The following PEX16 variants were observed in gnomAD, a reference collection of about 807,000 sequenced individuals.
PEX16 encodes peroxin 16.
PEX16 carries 37 observed loss-of-function variants against 50.5 expected under a neutral mutation model. The observed-to-expected ratio is 0.73, with a 90% CI of 0.56 to 0.96. The LOEUF is 0.96. Ranked by LOEUF, PEX16 falls within the 40% of genes least tolerant of loss-of-function variation. The probability of loss-of-function intolerance (pLI) is 0.00; values close to 1 mark genes in which losing one functional copy is unlikely to be tolerated. For missense variants in PEX16, 401 were observed against 438.3 expected (o/e 0.91, Z 0.76); for synonymous variants, 185 against 190.3 (o/e 0.97, Z 0.23).
rs1458584988 is a variant in PEX16, at chr11:45,914,156, A to G, written c.742T>C (p.Leu248=). 1.1e-5 allele frequency: 17 copies of G among 1,608,254 alleles called. No homozygotes were observed. Among genetic ancestry groups the G allele is most frequent in the Non-Finnish European group, 1.4e-5 (17 of 1,177,326 alleles). ...CTGGTCACGTCCACAACACCAGCCA[A>G]GAGCCAGGGTTTCCACGACCTCTGA... ...WGQRSWKPWL[L]AGVVDVTSLS... is the part of the protein sequence containing the mutation. Residue 248 remains leucine, a synonymous_variant, in exon 8 of 11, where the codon TTG becomes CTG. Coordinates refer to ENST00000378750, the MANE Select transcript of PEX16 (RefSeq NM_004813.4).
intron 9 of PEX16, among the ~76,000 whole-genome samples, chr11:45,911,571 G>A (rs2086778656): frequency 6.6e-6 from 1 of 152,246 alleles, no homozygotes; most frequent in Non-Finnish European, 1.5e-5. Context: ...ACGCACTGCT[G>A]TACGCGTTAG....
chr11:45,917,829 C>G lies in PEX16; in HGVS notation c.-18G>C. On this transcript the variant is annotated 5_prime_UTR_variant, in exon 1 of 11. Coordinates refer to ENST00000378750, the MANE Select transcript of PEX16 (RefSeq NM_004813.4). ...TTCTCCATCCTGCCCTCGGCACCGACAGACCCACAGAAGGACCGTACGACA... is the reference window on the plus strand; with the variant it reads ...TTCTCCATCCTGCCCTCGGCACCGAGAGACCCACAGAAGGACCGTACGACA... The G allele has an allele frequency of 6.6e-7, 1 of 1,504,072 alleles. No individual in the cohort carries two copies. Among genetic ancestry groups the G allele is most frequent in the Middle Eastern group, 1.9e-4 (1 of 5,388 alleles). The allele number at this position is 1,504,072 out of a possible 1,614,324, so 93.2% of individuals were successfully genotyped here. A position where few individuals can be genotyped will look rare whatever the true frequency, so the allele number is the denominator to read the frequency against.
rs1309622441 is a variant in PEX16, at chr11:45,917,876, G to C, written c.-65C>G. On this transcript the variant is annotated 5_prime_UTR_variant, in exon 1 of 11. Transcript: ENST00000378750. ...GACAGGCTGCGGCGCCCTGCTTCCT[G>C]CGCCCTCCTTCCTGCTTCCGGTCTT... is the stretch of plus-strand genomic sequence containing the variant. The C allele has an allele frequency of 3.4e-5, 40 of 1,181,278 alleles. No individual in the cohort carries two copies. The highest frequency in any genetic ancestry group is 7.3e-6 in the Non-Finnish European group (6 of 824,286). The allele number at this position is 1,181,278 out of a possible 1,614,324, so 73.2% of individuals were successfully genotyped here.
chr11:45,914,351 G>A lies in PEX16; in HGVS notation c.659C>T (p.Ala220Val), dbSNP rs2134692997. The change falls in exon 7 of 11, where the codon GCA (alanine) becomes GTA (valine). Residue 220 changes from alanine to valine, a missense_variant. Coordinates refer to ENST00000378750, the MANE Select transcript of PEX16 (RefSeq NM_004813.4). Reference sequence around the variant, plus strand: ...CGGCCGGGCAATGTACAAAAACTCTGCGATGGTCTCCTGCAGCCCCAGGGG... The same window carrying A: ...CGGCCGGGCAATGTACAAAAACTCTACGATGGTCTCCTGCAGCCCCAGGGG... ...PTPLGLQETI[A>V]EFLYIARPLL... The A allele has an allele frequency of 6.2e-7, 1 of 1,612,160 alleles. No individual in the cohort carries two copies. Among genetic ancestry groups the A allele is most frequent in the Non-Finnish European group, 8.5e-7 (1 of 1,180,032 alleles).
rs532552051 is a variant in PEX16, at chr11:45,917,174, T to C, written c.148+284A>G. On this transcript the variant is annotated intron_variant, in intron 2 of 10. Coordinates refer to ENST00000378750, the MANE Select transcript of PEX16 (RefSeq NM_004813.4). ...GGACAGTGATGACAATAAGTACCACTTAATATGACTGTAGGGAGGATTAAC... is the reference window on the plus strand; with the variant it reads ...GGACAGTGATGACAATAAGTACCACCTAATATGACTGTAGGGAGGATTAAC... The C allele has an allele frequency of 2.1e-4, 147 of 689,080 alleles. No homozygotes were observed. In the African/African-American group the frequency reaches 2.2e-3, roughly 10 times the overall value. 42.7% of individuals were successfully genotyped at this position (689,080 alleles called of 1,614,324 possible). A position where few individuals can be genotyped will look rare whatever the true frequency, so the allele number is the denominator to read the frequency against.
At position 45,909,674 on chromosome 11, in the gene PEX16, G is replaced by C. The variant is rs962472654; in HGVS notation, c.*580C>G. 3 of 238,184 alleles carry C rather than the reference G, an allele frequency of 1.3e-5. No individual in the cohort carries two copies. In the East Asian group the frequency reaches 3.0e-4, roughly 24 times the overall value. The allele number at this position is 238,184 out of a possible 1,614,324, so 14.8% of individuals were successfully genotyped here. A position where few individuals can be genotyped will look rare whatever the true frequency, so the allele number is the denominator to read the frequency against. On this transcript the variant is annotated 3_prime_UTR_variant, in exon 11 of 11. Transcript: ENST00000378750. ...AGTGCCCGATGTCCTTTTTCTAAGG[G>C]AGAAAAGCCTTTTACTCTCAACCGA...
chr11:45,917,051 A>C (rs1297226980), intron 2 of PEX16: 3 of 505,840 alleles, frequency 5.9e-6, no homozygotes, highest in South Asian at 3.1e-5. Context: ...AGGTAGTTAC[A>C]ATCTGGGAAT....
rs1335906330 is a variant in PEX16, at chr11:45,917,824, A to G, written c.-13T>C. 1.3e-6 allele frequency: 2 copies of G among 1,516,162 alleles called. No homozygotes were observed. Among genetic ancestry groups the G allele is most frequent in the Non-Finnish European group, 1.8e-6 (2 of 1,126,232 alleles). The allele number at this position is 1,516,162 out of a possible 1,614,324, so 93.9% of individuals were successfully genotyped here. On this transcript the variant is annotated 5_prime_UTR_variant, in exon 1 of 11. Coordinates refer to ENST00000378750, the MANE Select transcript of PEX16 (RefSeq NM_004813.4). ...GCAGCTTCTCCATCCTGCCCTCGGC[A>G]CCGACAGACCCACAGAAGGACCGTA...
rs749581838 is a variant in PEX16 at position 45,910,119 on chromosome 11, C to T, written c.*135G>A. On this transcript the variant is annotated 3_prime_UTR_variant, in exon 11 of 11. Transcript: ENST00000378750. ...GGTGTCCTGGGAGGAACGCTGGTGGCGACCAGGGCTGTGTGTGGGGCCTGG... is the reference window on the plus strand; with the variant it reads ...GGTGTCCTGGGAGGAACGCTGGTGGTGACCAGGGCTGTGTGTGGGGCCTGG... The T allele has an allele frequency of 2.5e-5, 41 of 1,611,488 alleles. No homozygotes were observed. Among genetic ancestry groups the T allele is most frequent in the Middle Eastern group, 4.5e-4 (2 of 4,466 alleles).
chr11:45,910,624 G>A (rs894260822), intron 10 of PEX16, among the ~76,000 whole-genome samples: 1 of 152,184 alleles, frequency 6.6e-6, no homozygotes, highest in Non-Finnish European at 1.5e-5. Context: ...CCCCCAAGAT[G>A]AGATGGTCCC....
chr11:45,910,402 G>A, intron 10 of PEX16, 90 bp from the exon 11 acceptor site: 3 of 1,089,270 alleles, frequency 2.8e-6, no homozygotes, highest in South Asian at 1.3e-5. Flanking sequence ...CGGCCCAGGA[G>A]CCAGCCCAGC....
intron 2 of PEX16, chr11:45,917,138 C>T (rs1590797697): frequency 1.5e-6 from 1 of 645,914 alleles, no homozygotes; most frequent in Non-Finnish European, 2.9e-6. Flanking sequence ...CACTGAGCTT[C>T]TTCCTTAAAT....
intron 4 of PEX16, 57 bp from the exon 5 acceptor site, chr11:45,915,625 G>C: frequency 6.2e-7 from 1 of 1,611,786 alleles, no homozygotes; most frequent in Non-Finnish European, 8.5e-7. Flanking sequence ...GGGAGGCCAG[G>C]GATGCTCTGC....
intron 9 of PEX16, 121 bp from the exon 10 acceptor site, chr11:45,911,083 G>T: frequency 1.3e-6 from 1 of 751,202 alleles, no homozygotes; most frequent in Non-Finnish European, 2.3e-6. Context: ...AGAAAACAAA[G>T]GTGACTTTCT....
At position 45,917,702 on chromosome 11, in the gene PEX16, G is replaced by A; in HGVS notation, c.110C>T (p.Ala37Val). ...TAVRGFSYLLAGRFADSHELS... is the reference protein window; with the variant it reads ...TAVRGFSYLLVGRFADSHELS... ...CTGATCAAAGGTCAGGGTGGCACCT[G>A]CCAGCAGGTAACTGAAGCCCCGCAC... The change falls in exon 1 of 11, where the codon GCA becomes GTA. Residue 37 changes from alanine to valine, a missense_variant and splice_region_variant. Coordinates refer to ENST00000378750, the MANE Select transcript of PEX16 (RefSeq NM_004813.4). 1 of 1,556,050 alleles carries A rather than the reference G, an allele frequency of 6.4e-7. No individual in the cohort carries two copies. Among genetic ancestry groups the A allele is most frequent in the Non-Finnish European group, 8.7e-7 (1 of 1,149,360 alleles).
rs777404753 is a variant in PEX16, at chr11:45,914,579, C to T, written c.541+25G>A. On this transcript the variant is annotated intron_variant, in intron 6 of 10. Coordinates refer to ENST00000378750, the MANE Select transcript of PEX16 (RefSeq NM_004813.4). ...CCCAGGCAGACAGCACCTAGGTGCC[C>T]AGGCCAGCCACATCCTCCACTTACT... 8.1e-6 allele frequency: 13 copies of T among 1,613,636 alleles called. No individual in the cohort carries two copies. The South Asian group carries it at 1.4e-4, about 18-fold the overall frequency.
intron 10 of PEX16, among the ~76,000 whole-genome samples, 186 bp from the exon 11 acceptor site, chr11:45,910,498 G>A (rs1285663385): frequency 6.6e-6 from 1 of 152,210 alleles, no homozygotes; most frequent in Non-Finnish European, 1.5e-5. Context: ...GAGAAGCTCA[G>A]CCAGGGTAGA....
chr11:45,909,986 G>T lies in PEX16; in HGVS notation c.*268C>A. 1.8e-6 allele frequency: 2 copies of T among 1,092,844 alleles called. No homozygotes were observed. The highest frequency in any genetic ancestry group is 2.8e-6 in the Non-Finnish European group (2 of 720,208). 67.7% of individuals were successfully genotyped at this position (1,092,844 alleles called of 1,614,324 possible). ...CCGGGCTCCATGAGGTGAAGTCACC[G>T]CTTTCTGTGGGAGAGGAGCCTGGAT... is the stretch of plus-strand genomic sequence containing the variant. On this transcript the variant is annotated 3_prime_UTR_variant, in exon 11 of 11. Coordinates refer to ENST00000378750, the MANE Select transcript of PEX16 (RefSeq NM_004813.4).
intron 2 of PEX16, chr11:45,917,074 G>A (rs1227273154): frequency 1.9e-6 from 1 of 539,488 alleles, no homozygotes; most frequent in Non-Finnish European, 3.6e-6. Context: ...TGGAATCTGG[G>A]AGATCTAGAC....
Sources: allele counts gnomAD v4.1 joint callset (sites outside exome capture counted in the v4.1 genomes callset), GRCh38; gene constraint gnomAD v4.1.1; transcripts MANE v1.5; gene names NCBI Gene and HGNC (gene_info 2026-07-23, HGNC 2026-07-21).